The following XPOT variants were observed in gnomAD, a reference collection of about 807,000 sequenced individuals.
XPOT encodes exportin-T.
A neutral mutation model predicts 128.2 loss-of-function variants in XPOT; 34 were observed. That is an observed-to-expected ratio of 0.27 (90% CI 0.20 to 0.35). The LOEUF is 0.35. Among genes scored for constraint, XPOT ranks in the 10% least tolerant of loss-of-function variants. The pLI is 1.00. For missense variants in XPOT, 838 were observed against 1,125.3 expected, an observed-to-expected ratio of 0.74 and a Z score of 3.65; for synonymous variants, 348 against 394.3, an observed-to-expected ratio of 0.88 and a Z score of 1.39.
chr12:64,414,201 A>T (rs1475236510), intron 2 of XPOT, among the ~76,000 whole-genome samples: 1 of 152,166 alleles, frequency 6.6e-6, no homozygotes, highest in African/African-American at 2.4e-5. Context: ...GAGCGTATGG[A>T]CTTGGTGCTG....
intron 23 of XPOT, among the ~76,000 whole-genome samples, chr12:64,444,585 T>A (rs1021741094): frequency 6.6e-6 from 1 of 152,184 alleles, no homozygotes; most frequent in Non-Finnish European, 1.5e-5. Context: ...TCCATTTGTT[T>A]GAGATATCTA....
intron 6 of XPOT, 118 bp from the exon 7 acceptor site, chr12:64,419,952 G>T (rs2040122788): frequency 1.2e-6 from 1 of 831,652 alleles, no homozygotes. Flanking sequence ...TGGTAAATAG[G>T]AAATACTGGT....
intron 21 of XPOT, among the ~76,000 whole-genome samples, chr12:64,435,388 T>G (rs2040274228): frequency 6.6e-6 from 1 of 152,242 alleles, no homozygotes. Context: ...ATTTCATAAT[T>G]GTAATTTACT....
intron 6 of XPOT, 59 bp downstream of exon 6, chr12:64,419,153 C>A: frequency 1.4e-6 from 2 of 1,388,216 alleles, no homozygotes; most frequent in Admixed American, 2.0e-5. Flanking sequence ...TGATAATGGG[C>A]ACATAATAAA....
In XPOT at chr12:64,428,138, T is replaced by A. The variant is rs968681362; in HGVS notation, c.1737+18T>A. On this transcript the variant is annotated intron_variant, in intron 16 of 24. Coordinates refer to ENST00000332707, the MANE Select transcript of XPOT (RefSeq NM_007235.6). ...CTCCACCTGTAAGTATCTGTCTCTT[T>A]AAGATATTTTACCCAGAATTCATTG... 6.7e-7 allele frequency: 1 copy of A among 1,488,812 alleles called. No individual in the cohort carries two copies. Among genetic ancestry groups the A allele is most frequent in the African/African-American group, 1.4e-5 (1 of 72,248 alleles). The allele number at this position is 1,488,812 out of a possible 1,614,324, so 92.2% of individuals were successfully genotyped here. A position where few individuals can be genotyped will look rare whatever the true frequency, so the allele number is the denominator to read the frequency against.
chr12:64,431,995 G>GATAC (rs1265384916), intron 18 of XPOT, among the ~76,000 whole-genome samples, 172 bp downstream of exon 18: 2 of 152,116 alleles, frequency 1.3e-5, no homozygotes, highest in African/African-American at 4.8e-5. Context: ...CACACTGCCT[G>GATAC]ATACATAGGT....
At chr12:64,406,093 T>G (rs1433295451) in intron 1 of XPOT, among the ~76,000 whole-genome samples, 4 of 152,208 alleles carry the variant, frequency 2.6e-5, no homozygotes, top group Non-Finnish European at 4.4e-5. Flanking sequence ...TTCTTTTTTT[T>G]GACACAGTGT....
chr12:64,422,105 C>T (rs1247982201), intron 9 of XPOT, among the ~76,000 whole-genome samples: 14 of 152,056 alleles, frequency 9.2e-5, no homozygotes, highest in South Asian at 6.2e-4. Flanking sequence ...CCACCACGCC[C>T]GGCAACAATT....
chr12:64,416,905 C>T, intron 4 of XPOT, 151 bp downstream of exon 4: 1 of 751,490 alleles, frequency 1.3e-6, no homozygotes, highest in Non-Finnish European at 2.2e-6. Context: ...TTGATGTACC[C>T]CAAAGTGTTT....
intron 18 of XPOT, 140 bp downstream of exon 18, chr12:64,431,963 T>G: frequency 1.2e-6 from 1 of 850,204 alleles, no homozygotes; most frequent in East Asian, 2.6e-5. Flanking sequence ...TCATATGTAT[T>G]TTTATCATCT....
intron 5 of XPOT, 131 bp downstream of exon 5, chr12:64,418,246 G>A (rs2040105953): frequency 1.4e-6 from 1 of 693,400 alleles, no homozygotes; most frequent in East Asian, 2.9e-5. Context: ...TTTTTAAAAG[G>A]TGCTGGTTTT....
chr12:64,412,676 CCAACTGGGTGTCCTACAAAT>C (rs916606699), intron 2 of XPOT, among the ~76,000 whole-genome samples: 1 of 152,170 alleles, frequency 6.6e-6, no homozygotes, highest in African/African-American at 2.4e-5. Context: ...TCTGTGGACA[CCAACTGGGTGTCCTACAAAT>C]CAATTCAATT....
At chr12:64,415,094 A>AC (rs1453040831) in intron 3 of XPOT, 105 bp downstream of exon 3, 1 of 725,428 alleles carries the variant, frequency 1.4e-6, no homozygotes. Context: ...ACATTTTATG[A>AC]CTTTTTTTTT....
intron 24 of XPOT, among the ~76,000 whole-genome samples, chr12:64,447,876 T>G (rs988449297): frequency 6.6e-6 from 1 of 152,206 alleles, no homozygotes; most frequent in African/African-American, 2.4e-5. Context: ...AACACCATAT[T>G]TTCACTACTT....
At chr12:64,436,704 C>T (rs2040285073) in intron 22 of XPOT, among the ~76,000 whole-genome samples, 1 of 151,634 alleles carries the variant, frequency 6.6e-6, no homozygotes, top group South Asian at 2.1e-4. Context: ...CTTCAGCCTC[C>T]TGAATAGCTG....
Position 64,448,499 on chromosome 12 carries a change from C to CT in XPOT, c.*371dup, listed in dbSNP as rs758963930. 19 of 179,966 alleles carry CT rather than the reference C, an allele frequency of 1.1e-4. No individual in the cohort carries two copies. The highest frequency in any genetic ancestry group is 7.2e-4 in the East Asian group (5 of 6,988). 11.1% of individuals were successfully genotyped at this position (179,966 alleles called of 1,614,324 possible). On this transcript the variant is annotated 3_prime_UTR_variant, in exon 25 of 25. Coordinates refer to ENST00000332707, the MANE Select transcript of XPOT (RefSeq NM_007235.6). ...TGAATATAAAATCTTTGAAAATTTTCTTTATGTGTGAAGACACAAAGTATG... is the reference window on the plus strand; with the variant it reads ...TGAATATAAAATCTTTGAAAATTTTCTTTTATGTGTGAAGACACAAAGTATG...
At position 64,433,452 on chromosome 12, in the gene XPOT, C is replaced by T. The variant is rs1489331235; in HGVS notation, c.2301C>T (p.Pro767=). ...CGTTTTTACAACAGATGTTCATGCC[C>T]CTGCTTCATGCAATTTTTGAAGTGC... ...VSPFLQQMFM[P]LLHAIFEVLL... is the part of the protein sequence containing the mutation. The change falls in exon 19 of 25, where the codon CCC becomes CCT. Residue 767 remains proline (P), a synonymous_variant. Transcript: ENST00000332707. The T allele has an allele frequency of 3.1e-6, 5 of 1,599,080 alleles. No homozygotes were observed. Among genetic ancestry groups the T allele is most frequent in the Admixed American group, 1.7e-5 (1 of 58,492 alleles).
intron 17 of XPOT, 44 bp from the exon 18 acceptor site, chr12:64,431,494 A>G: frequency 6.3e-7 from 1 of 1,589,028 alleles, no homozygotes; most frequent in African/African-American, 1.3e-5. Context: ...TAACACTTTT[A>G]AAGAATAAAG....
intron 23 of XPOT, among the ~76,000 whole-genome samples, chr12:64,444,107 A>C (rs949824782): frequency 3.9e-5 from 6 of 152,164 alleles, no homozygotes; most frequent in South Asian, 2.1e-4. Flanking sequence ...TCCCTTTTTC[A>C]TATGCCTTAT....
Sources: allele counts gnomAD v4.1 joint callset (sites outside exome capture counted in the v4.1 genomes callset), GRCh38; gene constraint gnomAD v4.1.1; transcripts MANE v1.5; gene names NCBI Gene and HGNC (gene_info 2026-07-23, HGNC 2026-07-21).